The following MAPK14 variants were observed in gnomAD, a reference collection of about 807,000 sequenced individuals.
MAPK14 encodes the protein mitogen-activated protein kinase 14.
MAPK14 carries 16 observed loss-of-function variants against 49.6 expected under a neutral mutation model. The observed-to-expected ratio is 0.32, with a 90% CI of 0.22 to 0.49. The LOEUF is 0.49. Among genes scored for constraint, MAPK14 ranks in the 20% least tolerant of loss-of-function variants. MAPK14 has a pLI of 0.99. For missense variants in MAPK14, 200 were observed against 441.2 expected (o/e 0.45, Z 4.90); for synonymous variants, 142 against 158.0 (o/e 0.90, Z 0.76).
chr6:36,033,536 C>T (rs1206497601), intron 1 of MAPK14, among the ~76,000 whole-genome samples: 1 of 152,152 alleles, frequency 6.6e-6, no homozygotes. Flanking sequence ...AGGCCAGTCT[C>T]GAACTCCTGA....
the MAPK14 span, among the ~76,000 whole-genome samples, chr6:36,118,348 A>G: frequency 6.6e-6 from 1 of 152,348 alleles, no homozygotes; most frequent in Non-Finnish European, 1.5e-5. Context: ...AAAGAATAAA[A>G]GTCAAATTCC....
intron 8 of MAPK14, among the ~76,000 whole-genome samples, chr6:36,082,873 A>C (rs750753884): frequency 4.0e-4 from 61 of 152,168 alleles, no homozygotes; most frequent in Non-Finnish European, 7.5e-4. Context: ...ATTACATTGA[A>C]ACTTAATTAC....
intron 8 of MAPK14, among the ~76,000 whole-genome samples, chr6:36,083,007 G>A (rs931630169): frequency 6.6e-6 from 1 of 152,158 alleles, no homozygotes; most frequent in East Asian, 1.9e-4. Flanking sequence ...CTGGTTGTTA[G>A]TAATTCCTGG....
At chr6:36,076,671 A>C in intron 8 of MAPK14, 63 bp downstream of exon 8, 1 of 1,207,678 alleles carries the variant, frequency 8.3e-7, no homozygotes, top group Non-Finnish European at 1.2e-6. Context: ...ATGGGTGTAT[A>C]CTCCTTTTAC....
chr6:36,045,706 G>A (rs1307358875), intron 1 of MAPK14, among the ~76,000 whole-genome samples: 1 of 151,808 alleles, frequency 6.6e-6, no homozygotes, highest in Non-Finnish European at 1.5e-5. Context: ...CTGCTGGGGA[G>A]GCTGAGGCAG....
intron 2 of MAPK14, among the ~76,000 whole-genome samples, chr6:36,057,893 A>G (rs1334104675): frequency 6.6e-6 from 1 of 151,968 alleles, no homozygotes; most frequent in Non-Finnish European, 1.5e-5. Context: ...ATAACCAGAT[A>G]CTCTCAAATA....
At chr6:36,100,052 G>A in intron 9 of MAPK14, 1 of 641,702 alleles carries the variant, frequency 1.6e-6, no homozygotes, top group Non-Finnish European at 2.9e-6. Flanking sequence ...ATGCAGCTGT[G>A]GGCTCTCGGG....
chr6:36,047,694 C>T (rs1763233542), intron 1 of MAPK14, among the ~76,000 whole-genome samples: 1 of 151,900 alleles, frequency 6.6e-6, no homozygotes. Context: ...CTTCCTGCCT[C>T]AGCCTCCCAA....
chr6:36,037,059 T>C (rs1762780763), intron 1 of MAPK14, among the ~76,000 whole-genome samples: 1 of 152,168 alleles, frequency 6.6e-6, no homozygotes, highest in African/African-American at 2.4e-5. Context: ...TATTTTTAAA[T>C]TAAGGTATGT....
At chr6:36,069,249 T>C (rs898934345) in intron 3 of MAPK14, among the ~76,000 whole-genome samples, 2 of 152,244 alleles carry the variant, frequency 1.3e-5, no homozygotes, top group Non-Finnish European at 2.9e-5. Flanking sequence ...AATGTGCTTC[T>C]TAAAATGTGC....
the MAPK14 span, among the ~76,000 whole-genome samples, chr6:36,123,975 C>T: frequency 6.6e-6 from 1 of 151,848 alleles, no homozygotes; most frequent in African/African-American, 2.4e-5. Flanking sequence ...TGAGAGGTGC[C>T]CGACTCACAG....
chr6:36,051,468 C>G (rs1468988713), intron 1 of MAPK14, among the ~76,000 whole-genome samples: 4 of 152,230 alleles, frequency 2.6e-5, no homozygotes. Flanking sequence ...CCTCCATGAT[C>G]TAGCTGCTGC....
intron 8 of MAPK14, among the ~76,000 whole-genome samples, chr6:36,090,623 T>C (rs1765188881): frequency 6.6e-6 from 1 of 151,972 alleles, no homozygotes; most frequent in African/African-American, 2.4e-5. Flanking sequence ...CCTCCCGTGT[T>C]CAAGCGATTC....
chr6:36,091,240 G>A (rs1765215583), intron 8 of MAPK14, among the ~76,000 whole-genome samples: 1 of 150,256 alleles, frequency 6.7e-6, no homozygotes, highest in Admixed American at 6.6e-5. Flanking sequence ...GTTATGCTTA[G>A]TTTTTTTGTT....
intron 3 of MAPK14, among the ~76,000 whole-genome samples, chr6:36,063,057 A>G (rs989772692): frequency 1.3e-5 from 2 of 152,110 alleles, no homozygotes; most frequent in East Asian, 3.8e-4. Context: ...AATGACTGGG[A>G]TGTGTTCTGA....
downstream of MAPK14, among the ~76,000 whole-genome samples, chr6:36,113,059 G>A (rs1254638073): frequency 6.6e-6 from 1 of 152,176 alleles, no homozygotes; most frequent in African/African-American, 2.4e-5. Context: ...TAATGAATAT[G>A]CAAATAATAA....
chr6:36,062,906 C>T (rs935708429), intron 3 of MAPK14, among the ~76,000 whole-genome samples: 2 of 152,114 alleles, frequency 1.3e-5, no homozygotes, highest in African/African-American at 4.8e-5. Flanking sequence ...GATCCACCCA[C>T]CTCAGCCTCC....
chr6:36,108,503 CG>C lies in MAPK14; in HGVS notation c.*59del. The C allele has an allele frequency of 7.3e-7, 1 of 1,366,360 alleles. No individual in the cohort carries two copies. Among genetic ancestry groups the C allele is most frequent in the Non-Finnish European group, 1.0e-6 (1 of 953,988 alleles). The allele number at this position is 1,366,360 out of a possible 1,614,324, so 84.6% of individuals were successfully genotyped here. ...TCACTGTGAGGGGAAGGCCTTTTCA[CG>C]GGAACTCTCCAAATATTATTCAAGT... On this transcript the variant is annotated 3_prime_UTR_variant, in exon 12 of 12. Transcript: ENST00000229794.
intron 2 of MAPK14, among the ~76,000 whole-genome samples, chr6:36,056,927 AAG>A (rs1039947308): frequency 6.6e-6 from 1 of 152,200 alleles, no homozygotes; most frequent in Non-Finnish European, 1.5e-5. Flanking sequence ...TACCAAACTC[AAG>A]GGAAACGATT....
Sources: gnomAD v4.1 joint callset for allele counts (sites outside exome capture counted in the v4.1 genomes callset) on GRCh38, gnomAD v4.1.1 for gene constraint, MANE v1.5 for transcripts, NCBI Gene and HGNC (gene_info 2026-07-23, HGNC 2026-07-21) for gene names.